Variants in EVPL observed in about 807,000 individuals in gnomAD.
The protein encoded by EVPL is envoplakin.
EVPL carries 94 observed loss-of-function variants against 129.7 expected under a neutral mutation model. The observed-to-expected ratio is 0.72, with a 90% CI of 0.61 to 0.86. EVPL has a LOEUF of 0.86. Ranked by LOEUF, EVPL falls within the 40% of genes least tolerant of loss-of-function variation. EVPL has a pLI of 0.00. For missense variants in EVPL, 2,625 were observed against 2,721.1 expected (o/e 0.96, Z 0.79); for synonymous variants, 1,172 against 1,191.1 (o/e 0.98, Z 0.33).
chr17:76,025,001 C>G (rs1312176426), intron 1 of EVPL, among the ~76,000 whole-genome samples: 1 of 152,052 alleles, frequency 6.6e-6, no homozygotes, highest in Non-Finnish European at 1.5e-5. Flanking sequence ...AAAGGATGGG[C>G]CCCCCCAGGC....
At position 76,011,889 on chromosome 17, in the gene EVPL, A is replaced by C; in HGVS notation, c.2458-7T>G. ...CTGCCTGGAGCTCATAGTCCTGAGC[A>C]GGGAGGAAAGGACAGCAGGCTGGCA... On this transcript the variant is annotated splice_region_variant and splice_polypyrimidine_tract_variant and intron_variant, in intron 19 of 21. Coordinates refer to ENST00000301607, the MANE Select transcript of EVPL (RefSeq NM_001988.4). 1.2e-6 allele frequency: 2 copies of C among 1,612,832 alleles called. No homozygotes were observed. Among genetic ancestry groups the C allele is most frequent in the Non-Finnish European group, 1.7e-6 (2 of 1,179,528 alleles).
intron 20 of EVPL, 24 bp from the exon 21 acceptor site, chr17:76,011,692 G>A (rs2066377753): frequency 2.5e-6 from 4 of 1,612,966 alleles, no homozygotes; most frequent in Middle Eastern, 1.7e-4. Flanking sequence ...AGGGAGAGGG[G>A]AAGGGCAGAG....
At chr17:76,011,540 G>C in intron 21 of EVPL, 36 bp downstream of exon 21, 1 of 1,567,102 alleles carries the variant, frequency 6.4e-7, no homozygotes, top group Admixed American at 1.7e-5. Flanking sequence ...GTTATTCCTG[G>C]CTATTGTGGG....
At position 76,015,566 on chromosome 17, in the gene EVPL, C is replaced by T; in HGVS notation, c.1773G>A (p.Glu591=). 2 of 1,613,422 alleles carry T rather than the reference C, an allele frequency of 1.2e-6. No individual in the cohort carries two copies. The highest frequency in any genetic ancestry group is 1.7e-6 in the Non-Finnish European group (2 of 1,180,032). ...TEKETAQKEC[E]AFLSTRPVGP... ...CCACGGGCCGCGTGGACAGAAACGC[C>T]TCGCACTCCTTCTGGGCTGTCTCCT... Residue 591 remains glutamate, a synonymous_variant, in exon 15 of 22, where the codon GAG becomes GAA. Coordinates refer to ENST00000301607, the MANE Select transcript of EVPL (RefSeq NM_001988.4).
chr17:76,025,401 G>A (rs988258808), intron 1 of EVPL, among the ~76,000 whole-genome samples: 2 of 152,310 alleles, frequency 1.3e-5, no homozygotes, highest in East Asian at 3.9e-4. Flanking sequence ...CATGTCAAAC[G>A]AGTGGATCGC....
rs758385024 is a variant in EVPL, at chr17:76,018,880, G to A, written c.1284+34C>T. The A allele has an allele frequency of 5.3e-6, 8 of 1,503,266 alleles. No homozygotes were observed. In the East Asian group the frequency reaches 9.6e-5, roughly 18 times the overall value. The allele number at this position is 1,503,266 out of a possible 1,614,324, so 93.1% of individuals were successfully genotyped here. A position where few individuals can be genotyped will look rare whatever the true frequency, so the allele number is the denominator to read the frequency against. On this transcript the variant is annotated intron_variant, in intron 11 of 21. Transcript: ENST00000301607. ...GCAGGGGATGGGTTGGGCGGGGCTG[G>A]ATGGTGGCAGGGGTGAGGTGGGGGA...
rs1598236865 is a variant in EVPL, at chr17:76,014,860, C to T, written c.2222+56G>A. 29 of 1,492,294 alleles carry T rather than the reference C, an allele frequency of 1.9e-5. No homozygotes were observed. In the Admixed American group the frequency reaches 3.0e-4, roughly 15 times the overall value. 92.4% of individuals were successfully genotyped at this position (1,492,294 alleles called of 1,614,324 possible). On this transcript the variant is annotated intron_variant, in intron 17 of 21. Coordinates refer to ENST00000301607, the MANE Select transcript of EVPL (RefSeq NM_001988.4). ...CCAGGATCACACAGCTTGTAGACAGCAATGCCTGGCTCTGCACCAGCCCAC... is the reference window on the plus strand; with the variant it reads ...CCAGGATCACACAGCTTGTAGACAGTAATGCCTGGCTCTGCACCAGCCCAC...
At position 76,024,004 on chromosome 17, in the gene EVPL, T is replaced by A. The variant is rs1311288143; in HGVS notation, c.198+17A>T. The A allele has an allele frequency of 2.5e-6, 4 of 1,607,842 alleles. No individual in the cohort carries two copies. The highest frequency in any genetic ancestry group is 3.4e-6 in the Non-Finnish European group (4 of 1,177,686). ...CCCAGCCTGTCCACGCCCTGCCAAC[T>A]GCTGCCGGGGCCTCACCTGCTGCAG... On this transcript the variant is annotated intron_variant, in intron 2 of 21. Coordinates refer to ENST00000301607, the MANE Select transcript of EVPL (RefSeq NM_001988.4). This position sits in a 1 kb window ranked among gnomAD's most constrained non-coding sequence, Gnocchi z 4.5.
At chr17:76,015,390 G>C (rs749916847) in intron 15 of EVPL, 25 bp from the exon 16 acceptor site, 1 of 1,603,454 alleles carries the variant, frequency 6.2e-7, no homozygotes, top group Non-Finnish European at 8.5e-7. Flanking sequence ...GCAAGGCTCA[G>C]ACACTCCCTG....
chr17:76,026,191 G>T (rs550763243), intron 1 of EVPL, among the ~76,000 whole-genome samples: 1 of 151,128 alleles, frequency 6.6e-6, no homozygotes, highest in Non-Finnish European at 1.5e-5. Context: ...TGATCTACCC[G>T]CCTCGGCCTC....
chr17:76,014,999 GA>G lies in EVPL; in HGVS notation c.2138del (p.Phe713SerfsTer22). Reference sequence around the variant, plus strand: ...GCTGCTGGCGAGGCAGGTCTTGGCAGAACTCCTGGAAGTTGTTCTGCAGGGC... The same window carrying G: ...GCTGCTGGCGAGGCAGGTCTTGGCAGACTCCTGGAAGTTGTTCTGCAGGGC... ...CAALQNNFQEFCQDLPRQQRQ... is the reference protein window; with the variant it reads ...CAALQNNFQEXCQDLPRQQRQ... On this transcript the variant is annotated frameshift_variant, in exon 17 of 22. Transcript: ENST00000301607. LOFTEE classifies it high-confidence loss of function. 6.3e-7 allele frequency: 1 copy of G among 1,596,802 alleles called. No individual in the cohort carries two copies. Among genetic ancestry groups the G allele is most frequent in the Non-Finnish European group, 8.5e-7 (1 of 1,176,800 alleles).
At position 76,020,696 on chromosome 17, in the gene EVPL, TTTTA is replaced by T. The variant is rs201638787; in HGVS notation, c.1011+768_1011+771del. ...TTCCCCCCACCTCATCCCCATAAAA[TTTTA>T]TTTATTTATTTATTTTGATAGAGAT... is the stretch of plus-strand genomic sequence containing the variant. On this transcript the variant is annotated intron_variant, in intron 9 of 21. Coordinates refer to ENST00000301607, the MANE Select transcript of EVPL (RefSeq NM_001988.4). Among the ~76,000 whole-genome samples, 689 of 151,702 alleles carry T rather than the reference TTTTA, an allele frequency of 4.5e-3. 6 individuals carry two copies. Among genetic ancestry groups the T allele is most frequent in the African/African-American group, 0.015 (610 of 41,358 alleles).
At chr17:76,011,907 G>A in intron 19 of EVPL, 25 bp from the exon 20 acceptor site, 3 of 1,610,802 alleles carry the variant, frequency 1.9e-6, no homozygotes, top group Non-Finnish European at 2.5e-6. Flanking sequence ...AAGGACAGCA[G>A]GCTGGCAACC....
At chr17:76,012,224 G>A in intron 18 of EVPL, 135 bp from the exon 19 acceptor site, 1 of 612,686 alleles carries the variant, frequency 1.6e-6, no homozygotes, top group Non-Finnish European at 2.9e-6. Context: ...GGGAGACCTG[G>A]GCCAAACTCC....
rs892590560 is a variant in EVPL, at chr17:76,013,308, C to T, written c.2373+1118G>A. Among the ~76,000 whole-genome samples the T allele has an allele frequency of 3.3e-5, 5 of 152,150 alleles. No individual in the cohort carries two copies. The highest frequency in any genetic ancestry group is 2.1e-4 in the South Asian group (1 of 4,826). ...TCCCAGGCCCCCTTCCCAATGTCACCTCCCTACTCTCTCCCCAGATATTCT... is the reference window on the plus strand; with the variant it reads ...TCCCAGGCCCCCTTCCCAATGTCACTTCCCTACTCTCTCCCCAGATATTCT... On this transcript the variant is annotated intron_variant, in intron 18 of 21. Coordinates refer to ENST00000301607, the MANE Select transcript of EVPL (RefSeq NM_001988.4). This position sits in a 1 kb window ranked among gnomAD's most constrained non-coding sequence, Gnocchi z 4.3.
Position 76,014,553 on chromosome 17 carries a change from G to A in EVPL, c.2246C>T (p.Ala749Val), listed in dbSNP as rs753753577. 8 of 1,612,374 alleles carry A rather than the reference G, an allele frequency of 5.0e-6. No individual in the cohort carries two copies. The highest frequency in any genetic ancestry group is 1.7e-5 in the Admixed American group (1 of 59,718). Residue 749 changes from alanine (A) to valine (V), a missense_variant, in exon 18 of 22, where the codon GCC becomes GTC. Transcript: ENST00000301607. ...DLREKVVQDA[A>V]LTYQQFKNCK... ...GTTCTTGAACTGCTGGTAGGTGAGG[G>A]CGGCATCCTGCACCACCTTCTCCCT...
chr17:76,016,772 G>A (rs1036903581), intron 14 of EVPL, among the ~76,000 whole-genome samples: 1 of 152,164 alleles, frequency 6.6e-6, no homozygotes, highest in African/African-American at 2.4e-5. Flanking sequence ...GCTGGGCTCA[G>A]TGTTGTACCT....
At chr17:76,018,631 G>C (rs2066435649) in intron 11 of EVPL, 31 bp from the exon 12 acceptor site, 2 of 1,572,174 alleles carry the variant, frequency 1.3e-6, no homozygotes. Context: ...CAGCTCCTGA[G>C]GGCTCAGGGG....
At position 76,022,269 on chromosome 17, in the gene EVPL, G is replaced by T; in HGVS notation, c.607-42C>A. 6.2e-7 allele frequency: 1 copy of T among 1,610,728 alleles called. No homozygotes were observed. The highest frequency in any genetic ancestry group is 8.5e-7 in the Non-Finnish European group (1 of 1,179,006). ...GAGAAACAAGCCCGTGAGAGGTGGG[G>T]TGCAGGGAGACGGCCCCCTAAGATC... On this transcript the variant is annotated intron_variant, in intron 5 of 21. Transcript: ENST00000301607. This position sits in a 1 kb window ranked among gnomAD's most constrained non-coding sequence, Gnocchi z 5.6.
Sources: gnomAD v4.1 joint callset for allele counts (sites outside exome capture counted in the v4.1 genomes callset) on GRCh38, gnomAD v4.1.1 for gene constraint, Gnocchi (gnomAD v3.1) non-coding constraint, MANE v1.5 for transcripts, NCBI Gene and HGNC (gene_info 2026-07-23, HGNC 2026-07-21) for gene names.